Variants in CLVS1 observed in about 807,000 individuals in gnomAD.
The protein encoded by CLVS1 is clavesin 1.
CLVS1 carries 10 observed loss-of-function variants against 33.1 expected under a neutral mutation model. That is an observed-to-expected ratio of 0.30 (90% CI 0.19 to 0.51). The LOEUF (loss-of-function observed/expected upper bound fraction) is 0.51, where lower values mean the gene tolerates loss of function less well. Ranked by LOEUF, CLVS1 falls within the 20% of genes least tolerant of loss-of-function variation. The pLI is 0.97. For missense variants in CLVS1, 343 were observed against 433.4 expected, an observed-to-expected ratio of 0.79 and a Z score of 1.85; for synonymous variants, 163 against 166.1, an observed-to-expected ratio of 0.98 and a Z score of 0.14.
intron 2 of CLVS1, among the ~76,000 whole-genome samples, chr8:61,338,815 C>T (rs905905759): frequency 3.3e-5 from 5 of 152,242 alleles, no homozygotes; most frequent in East Asian, 1.9e-4. Context: ...ACCTCTGCCC[C>T]GGGGAGGCTC....
At chr8:61,036,244 T>G in the CLVS1 span, among the ~76,000 whole-genome samples, 14 of 152,366 alleles carry the variant, frequency 9.2e-5, no homozygotes, top group East Asian at 2.5e-3. Context: ...AAATGAGGTC[T>G]TCTGAAACTC....
intron 2 of CLVS1, among the ~76,000 whole-genome samples, chr8:61,271,586 C>T (rs1179927477): frequency 2.3e-5 from 3 of 132,524 alleles, no homozygotes; most frequent in East Asian, 2.4e-4. Flanking sequence ...CTTTCTGTCT[C>T]GTTGATGTGT....
intron 2 of CLVS1, among the ~76,000 whole-genome samples, chr8:61,218,796 A>AGAT: frequency 7.0e-6 from 1 of 142,460 alleles, no homozygotes; most frequent in Non-Finnish European, 1.5e-5. Context: ...AAAAAAAAAA[A>AGAT]AGCTGGGAGT....
chr8:61,098,319 A>G (rs900075660), intron 1 of CLVS1, among the ~76,000 whole-genome samples: 1 of 151,982 alleles, frequency 6.6e-6, no homozygotes, highest in Non-Finnish European at 1.5e-5. Context: ...ATTTACTCAC[A>G]GTGATTAGGA....
chr8:61,296,892 G>T (rs951954125), intron 1 of CLVS1, among the ~76,000 whole-genome samples: 1 of 152,246 alleles, frequency 6.6e-6, no homozygotes, highest in Admixed American at 6.5e-5. Flanking sequence ...TTAAATCCAG[G>T]CCTTCTCTGT....
At chr8:61,318,579 A>G (rs1364492850) in intron 2 of CLVS1, among the ~76,000 whole-genome samples, 2 of 152,172 alleles carry the variant, frequency 1.3e-5, no homozygotes, top group Non-Finnish European at 2.9e-5. Flanking sequence ...TTCTATCTTC[A>G]TATGAAATTC....
intron 3 of CLVS1, among the ~76,000 whole-genome samples, chr8:61,404,428 A>G (rs944097782): frequency 1.3e-5 from 2 of 152,208 alleles, no homozygotes; most frequent in Admixed American, 1.3e-4. Context: ...CCTCTTGATC[A>G]TATTTTCATT....
At chr8:61,486,098 A>AAAATAAATAAAT (rs57652285) in intron 5 of CLVS1, among the ~76,000 whole-genome samples, 7,783 of 150,234 alleles carry the variant, frequency 0.052, 259 homozygotes, top group African/African-American at 0.09. Flanking sequence ...AAGTATAATT[A>AAAATAAATAAAT]AAATAAATAA....
chr8:60,991,099 G>A, the CLVS1 span, among the ~76,000 whole-genome samples: 3 of 152,226 alleles, frequency 2.0e-5, no homozygotes, highest in Admixed American at 6.5e-5. Context: ...CATCTGGTAG[G>A]AAAGGAAAGA....
At chr8:61,258,132 C>T (rs1020645525) in intron 2 of CLVS1, among the ~76,000 whole-genome samples, 7 of 152,182 alleles carry the variant, frequency 4.6e-5, no homozygotes, top group East Asian at 1.9e-4. Context: ...GTTGCACAAA[C>T]GCTCTTGCCT....
At chr8:61,438,470 ATAG>A (rs1460632695) in intron 3 of CLVS1, among the ~76,000 whole-genome samples, 1 of 152,210 alleles carries the variant, frequency 6.6e-6, no homozygotes, top group Non-Finnish European at 1.5e-5. Context: ...GCTATTGTGA[ATAG>A]TGCTGCAGTG....
the CLVS1 span, among the ~76,000 whole-genome samples, chr8:61,002,070 T>G: frequency 6.6e-6 from 1 of 151,806 alleles, no homozygotes; most frequent in Non-Finnish European, 1.5e-5. Flanking sequence ...CCTCCGCCTC[T>G]CAGGCTCTAG....
intron 1 of CLVS1, among the ~76,000 whole-genome samples, chr8:61,104,435 T>C (rs1016679447): frequency 6.6e-6 from 1 of 152,228 alleles, no homozygotes; most frequent in Non-Finnish European, 1.5e-5. Flanking sequence ...TAATTTCTTG[T>C]AGTCCTTAAC....
chr8:61,458,642 G>A lies in CLVS1; in HGVS notation c.977+100G>A, dbSNP rs1027384880. The A allele has an allele frequency of 7.9e-6, 6 of 760,480 alleles. No homozygotes were observed. The Admixed American group carries it at 1.3e-4, about 17-fold the overall frequency. 47.1% of individuals were successfully genotyped at this position (760,480 alleles called of 1,614,324 possible). On this transcript the variant is annotated intron_variant, in intron 5 of 5. Transcript: ENST00000325897. ...TATTAATTAAAGACCTTTATGGGCA[G>A]AGAACTTGAATAAAATAAATTGCAA...
chr8:61,165,149 A>G (rs1401111840), intron 2 of CLVS1, among the ~76,000 whole-genome samples: 2 of 152,246 alleles, frequency 1.3e-5, no homozygotes, highest in Admixed American at 6.5e-5. Flanking sequence ...CTTTAGCCCC[A>G]TCGGGAGTGG....
chr8:60,994,251 A>G, the CLVS1 span, among the ~76,000 whole-genome samples: 1 of 152,122 alleles, frequency 6.6e-6, no homozygotes, highest in East Asian at 1.9e-4. Flanking sequence ...CACCAGTTGT[A>G]TTGGATGAGG....
At chr8:61,301,470 C>T (rs1810430317) in intron 2 of CLVS1, among the ~76,000 whole-genome samples, 1 of 152,150 alleles carries the variant, frequency 6.6e-6, no homozygotes, top group African/African-American at 2.4e-5. Context: ...TCAGGCGCCC[C>T]ACCTCTGTTT....
At chr8:61,083,317 G>A (rs1282511341) in intron 1 of CLVS1, among the ~76,000 whole-genome samples, 1 of 152,172 alleles carries the variant, frequency 6.6e-6, no homozygotes, top group African/African-American at 2.4e-5. Context: ...GAAGGCCAGA[G>A]AGCAGAGAGG....
At chr8:61,444,986 T>A in intron 3 of CLVS1, among the ~76,000 whole-genome samples, 1 of 152,194 alleles carries the variant, frequency 6.6e-6, no homozygotes, top group East Asian at 1.9e-4. Context: ...GCTAGTCATT[T>A]GTTATCTCTG....
Sources: allele counts gnomAD v4.1 joint callset (sites outside exome capture counted in the v4.1 genomes callset), GRCh38; gene constraint gnomAD v4.1.1; transcripts MANE v1.5; gene names NCBI Gene and HGNC (gene_info 2026-07-23, HGNC 2026-07-21).